GKN2: variants seen among roughly 807,000 people sequenced by gnomAD.
GKN2 encodes the protein gastrokine 2, also known as gastrokine-2.
A neutral mutation model predicts 22.7 loss-of-function variants in GKN2; 17 were observed. The observed-to-expected ratio is 0.75, with a 90% confidence interval of 0.51 to 1.13. The LOEUF (loss-of-function observed/expected upper bound fraction) is 1.13. Among genes scored for constraint, GKN2 ranks in the 50% most tolerant of loss-of-function variants. The pLI is 0.00. For synonymous variants in GKN2, 82 were observed against 79.6 expected (o/e 1.03, Z -0.16); for missense variants, 248 against 221.4 (o/e 1.12, Z -0.76).
In GKN2 at chr2:68,951,381, G is replaced by A. The variant is rs6744407; in HGVS notation, c.13-626C>T. ...CACACAAGTGCTGGGCCCACAGGTC[G>A]TGAGCTGACATTGAAGCAGTTCTGA... On this transcript the variant is annotated intron_variant, in intron 1 of 5. Coordinates refer to ENST00000328895, the MANE Select transcript of GKN2 (RefSeq NM_182536.3). Among the ~76,000 whole-genome samples the A allele has an allele frequency of 1.4e-3, 212 of 152,290 alleles. 1 individual carries two copies. Among genetic ancestry groups the A allele is most frequent in the African/African-American group, 4.9e-3 (203 of 41,568 alleles).
intron 1 of GKN2, among the ~76,000 whole-genome samples, chr2:68,951,059 T>G (rs1669847392): frequency 6.6e-6 from 1 of 152,172 alleles, no homozygotes; most frequent in Non-Finnish European, 1.5e-5. Context: ...CCGGGGCAGA[T>G]GAGCAGTGAA....
chr2:68,950,683 C>T lies in GKN2; in HGVS notation c.66+19G>A. 5 of 1,611,074 alleles carry T rather than the reference C, an allele frequency of 3.1e-6. No individual in the cohort carries two copies. Among genetic ancestry groups the T allele is most frequent in the Non-Finnish European group, 4.2e-6 (5 of 1,177,204 alleles). On this transcript the variant is annotated intron_variant, in intron 2 of 5. Coordinates refer to ENST00000328895, the MANE Select transcript of GKN2 (RefSeq NM_182536.3). Reference sequence around the variant, plus strand: ...TCCCAACATCTCTAAGAGATAAAGTCCATAAGGAACCAACTCACCTCGTAT... The same window carrying T: ...TCCCAACATCTCTAAGAGATAAAGTTCATAAGGAACCAACTCACCTCGTAT...
At chr2:68,948,243 CA>C (rs765228049) in intron 3 of GKN2, among the ~76,000 whole-genome samples, 4,283 of 37,892 alleles carry the variant, frequency 0.11, 231 homozygotes, top group African/African-American at 0.3. Context: ...GAGACTCCGT[CA>C]AAAAAAAAAA....
chr2:68,950,270 T>C lies in GKN2; in HGVS notation c.67-7A>G, dbSNP rs376313281. ...GGCTGATGATGTTAAAAACCTAGATTGAAAAGAAAGACAAAATGTTTTTCC... is the reference window on the plus strand; with the variant it reads ...GGCTGATGATGTTAAAAACCTAGATCGAAAAGAAAGACAAAATGTTTTTCC... On this transcript the variant is annotated splice_region_variant and splice_polypyrimidine_tract_variant and intron_variant, in intron 2 of 5. Coordinates refer to ENST00000328895, the MANE Select transcript of GKN2 (RefSeq NM_182536.3). 1.9e-6 allele frequency: 3 copies of C among 1,599,288 alleles called. No homozygotes were observed. Among genetic ancestry groups the C allele is most frequent in the South Asian group, 2.3e-5 (2 of 87,254 alleles).
Position 68,950,738 on chromosome 2 carries a change from C to T in GKN2, c.30G>A (p.Val10=). Residue 10 remains valine, a synonymous_variant, in exon 2 of 6, where the codon GTG becomes GTA. Coordinates refer to ENST00000328895, the MANE Select transcript of GKN2 (RefSeq NM_182536.3). ...GAGATTGTATCCCAAAGATGGTCAG[C>T]ACCACCAGAAATGCCACCTGAAAAA... is the stretch of plus-strand genomic sequence containing the variant. MKILVAFLV[V]LTIFGIQSHG... The T allele has an allele frequency of 6.2e-7, 1 of 1,614,182 alleles. No individual in the cohort carries two copies. The highest frequency in any genetic ancestry group is 8.5e-7 in the Non-Finnish European group (1 of 1,180,016).
At chr2:68,949,214 G>T (rs1669818443) in intron 3 of GKN2, among the ~76,000 whole-genome samples, 2 of 152,088 alleles carry the variant, frequency 1.3e-5, no homozygotes, top group African/African-American at 4.8e-5. Context: ...TTCTGAGCAG[G>T]TTTCTGTGAC....
intron 3 of GKN2, among the ~76,000 whole-genome samples, chr2:68,948,884 T>G (rs1214504529): frequency 1.3e-5 from 2 of 151,930 alleles, no homozygotes; most frequent in Admixed American, 6.6e-5. Context: ...ACTTCTCCAT[T>G]TTTTTTTAAA....
At chr2:68,946,765 A>G (rs1669774933) in intron 4 of GKN2, among the ~76,000 whole-genome samples, 1 of 152,128 alleles carries the variant, frequency 6.6e-6, no homozygotes, top group African/African-American at 2.4e-5. Context: ...CACTGTTTGT[A>G]TATGTTCACT....
intron 3 of GKN2, among the ~76,000 whole-genome samples, chr2:68,949,039 C>T (rs1281647159): frequency 6.6e-6 from 1 of 152,114 alleles, no homozygotes; most frequent in Non-Finnish European, 1.5e-5. Context: ...GAAGACATTT[C>T]TAGAAGAAAA....
chr2:68,947,147 C>A lies in GKN2; in HGVS notation c.315G>T (p.Gln105His). The A allele has an allele frequency of 6.3e-7, 1 of 1,584,336 alleles. No individual in the cohort carries two copies. Among genetic ancestry groups the A allele is most frequent in the Non-Finnish European group, 8.7e-7 (1 of 1,152,836 alleles). Reference protein sequence around the residue: ...NNLQWYIYEKQALDNMFSSKY... With the variant: ...NNLQWYIYEKHALDNMFSSKY... Reference sequence around the variant, plus strand: ...ATACTCAAGAGTGCCCCAGAATTACCTGTTTCTCATAGATGTACCATTGGA... The same window carrying A: ...ATACTCAAGAGTGCCCCAGAATTACATGTTTCTCATAGATGTACCATTGGA... The change falls in exon 4 of 6, where the codon CAG becomes CAT. Residue 105 changes from glutamine to histidine, a missense_variant and splice_region_variant. Coordinates refer to ENST00000328895, the MANE Select transcript of GKN2 (RefSeq NM_182536.3).
At chr2:68,952,735 T>C (rs1669876453) in intron 1 of GKN2, 115 bp downstream of exon 1, 1 of 940,974 alleles carries the variant, frequency 1.1e-6, no homozygotes, top group Non-Finnish European at 1.6e-6. Context: ...TCACAGAAGC[T>C]TAGAAGCATG....
At chr2:68,951,659 G>A (rs567888320) in intron 1 of GKN2, among the ~76,000 whole-genome samples, 1 of 152,294 alleles carries the variant, frequency 6.6e-6, no homozygotes, top group African/African-American at 2.4e-5. Flanking sequence ...TGGGAGTAGA[G>A]CATCTAACAA....
At chr2:68,948,139 G>A (rs577181379) in intron 3 of GKN2, among the ~76,000 whole-genome samples, 20 of 151,560 alleles carry the variant, frequency 1.3e-4, no homozygotes, top group African/African-American at 3.9e-4. Context: ...CCAGCTACTC[G>A]GGAGGCTGAG....
intron 3 of GKN2, 68 bp downstream of exon 3, chr2:68,950,058 T>A: frequency 7.6e-7 from 1 of 1,313,612 alleles, no homozygotes; most frequent in Non-Finnish European, 1.1e-6. Flanking sequence ...ATGCCCCATA[T>A]ATATATAGAT....
At chr2:68,952,371 A>G (rs1573730316) in intron 1 of GKN2, among the ~76,000 whole-genome samples, 1 of 152,314 alleles carries the variant, frequency 6.6e-6, no homozygotes, top group African/African-American at 2.4e-5. Flanking sequence ...CGGGGAGAAT[A>G]CTACTCAACT....
chr2:68,950,656 T>G (rs1172025391), intron 2 of GKN2, 46 bp downstream of exon 2: 1 of 1,559,074 alleles, frequency 6.4e-7, no homozygotes, highest in Admixed American at 1.7e-5. Flanking sequence ...TTCCCTTTCC[T>G]CTCCCAACAT....
intron 4 of GKN2, 77 bp from the exon 5 acceptor site, chr2:68,946,537 A>G (rs965355035): frequency 4.8e-6 from 6 of 1,239,796 alleles, no homozygotes; most frequent in African/African-American, 4.6e-5. Flanking sequence ...AATTGTGACA[A>G]TTTTTCTCTT....
At chr2:68,952,309 C>T (rs74661000) in intron 1 of GKN2, among the ~76,000 whole-genome samples, 3,762 of 152,182 alleles carry the variant, frequency 0.025, 148 homozygotes, top group African/African-American at 0.085. Flanking sequence ...CCCACATTTA[C>T]GGGCTTGGGA....
chr2:68,949,111 T>C (rs543806864), intron 3 of GKN2, among the ~76,000 whole-genome samples: 1 of 152,320 alleles, frequency 6.6e-6, no homozygotes, highest in African/African-American at 2.4e-5. Context: ...ATATCCATAG[T>C]GCATAGCTTG....
Sources: allele counts gnomAD v4.1 joint callset (sites outside exome capture counted in the v4.1 genomes callset), GRCh38; gene constraint gnomAD v4.1.1; transcripts MANE v1.5; gene names NCBI Gene and HGNC (gene_info 2026-07-23, HGNC 2026-07-21).